The following TMEM229B variants were observed in gnomAD, a reference collection of about 807,000 sequenced individuals.
TMEM229B encodes the protein chromosome 14 open reading frame 83.
TMEM229B carries 6 observed loss-of-function variants against 13.7 expected under a neutral mutation model. The ratio of observed to expected loss-of-function variants is 0.44; its 90% CI spans 0.24 to 0.86. TMEM229B has a LOEUF of 0.86. TMEM229B is among the 40% of genes least tolerant of loss of function. The probability of loss-of-function intolerance (pLI) is 0.23; values close to 1 mark genes in which losing one functional copy is unlikely to be tolerated. For synonymous variants in TMEM229B, 107 were observed against 102.1 expected (o/e 1.05, Z -0.29); for missense variants, 170 against 236.0 (o/e 0.72, Z 1.83).
At chr14:67,479,378 T>C (rs1272681926) in intron 2 of TMEM229B, among the ~76,000 whole-genome samples, 4 of 144,924 alleles carry the variant, frequency 2.8e-5, no homozygotes, top group Non-Finnish European at 5.9e-5. Context: ...ACCACTGCAC[T>C]CCAGCCTGGG....
At chr14:67,500,292 G>A (rs2032551873) in intron 1 of TMEM229B, among the ~76,000 whole-genome samples, 1 of 152,068 alleles carries the variant, frequency 6.6e-6, no homozygotes, top group South Asian at 2.1e-4. Context: ...TGGCCAACAT[G>A]GTGAAACCTT....
intron 1 of TMEM229B, among the ~76,000 whole-genome samples, chr14:67,514,828 G>T (rs1231295597): frequency 6.6e-6 from 1 of 152,090 alleles, no homozygotes; most frequent in East Asian, 1.9e-4. Context: ...ACGCCCCCCT[G>T]TGCGCCCATC....
chr14:67,522,518 C>T (rs1367840525), intron 1 of TMEM229B, among the ~76,000 whole-genome samples: 1 of 152,168 alleles, frequency 6.6e-6, no homozygotes, highest in Non-Finnish European at 1.5e-5. Flanking sequence ...CCTGGGGGGA[C>T]ACTGTGTGCC....
At chr14:67,485,515 T>C (rs1441392082) in intron 2 of TMEM229B, among the ~76,000 whole-genome samples, 2 of 152,164 alleles carry the variant, frequency 1.3e-5, no homozygotes, top group African/African-American at 4.8e-5. Context: ...AAGCTCTGGG[T>C]TCCCATGGAC....
intron 2 of TMEM229B, among the ~76,000 whole-genome samples, chr14:67,485,267 C>A (rs1406652416): frequency 6.6e-6 from 1 of 152,162 alleles, no homozygotes; most frequent in Non-Finnish European, 1.5e-5. Context: ...ATCTCTTTAC[C>A]CCCAACTCCC....
At chr14:67,505,811 A>G (rs1452743329) in intron 1 of TMEM229B, among the ~76,000 whole-genome samples, 2 of 151,810 alleles carry the variant, frequency 1.3e-5, no homozygotes, top group African/African-American at 4.8e-5. Context: ...GGTTCAAGCA[A>G]TTCTCCTGCA....
chr14:67,523,761 G>A (rs992825507), intron 1 of TMEM229B, among the ~76,000 whole-genome samples: 7 of 152,180 alleles, frequency 4.6e-5, no homozygotes, highest in Non-Finnish European at 8.8e-5. Flanking sequence ...TGCCCACAGC[G>A]TAGGTCAAGG....
intron 2 of TMEM229B, among the ~76,000 whole-genome samples, chr14:67,479,329 C>T (rs532145015): frequency 2.0e-5 from 3 of 150,014 alleles, no homozygotes; most frequent in Non-Finnish European, 3.0e-5. Context: ...TTGCTTGAAC[C>T]GGGACCCAGG....
intron 1 of TMEM229B, among the ~76,000 whole-genome samples, chr14:67,531,558 C>T (rs2033450351): frequency 6.6e-6 from 1 of 151,786 alleles, no homozygotes; most frequent in African/African-American, 2.4e-5. Context: ...TAGGGGAGAG[C>T]ATGCTCCTCC....
chr14:67,476,358 G>A (rs538919194), intron 2 of TMEM229B, among the ~76,000 whole-genome samples: 4 of 152,244 alleles, frequency 2.6e-5, no homozygotes, highest in South Asian at 4.2e-4. Flanking sequence ...AGGCTGAGGC[G>A]GGTGGATCAC....
Position 67,496,412 on chromosome 14 carries a change from T to TTTTTTTG in TMEM229B, c.-191-9241_-191-9240insCAAAAAA, listed in dbSNP as rs2032380840. On this transcript the variant is annotated intron_variant, in intron 1 of 2. Coordinates refer to the TMEM229B transcript ENST00000357461. ...CGGCGTTTTTTTTTTTTTTTTTTTT[T>TTTTTTTG]TTTTTTTTTGAGACAGGGTCTGGCT... is the stretch of plus-strand genomic sequence containing the variant. Among the ~76,000 whole-genome samples the TTTTTTTG allele has an allele frequency of 1.5e-5, 2 of 134,572 alleles. 1 individual carries two copies. Among genetic ancestry groups the TTTTTTTG allele is most frequent in the Non-Finnish European group, 3.2e-5 (2 of 63,050 alleles). 88.3% of individuals were successfully genotyped at this position (134,572 alleles called of 152,430 possible). A position where few individuals can be genotyped will look rare whatever the true frequency, so the allele number is the denominator to read the frequency against.
chr14:67,492,968 G>C (rs75942531), upstream of TMEM229B, among the ~76,000 whole-genome samples: 1,753 of 152,262 alleles, frequency 0.012, 48 homozygotes, highest in African/African-American at 0.041. Flanking sequence ...AAGGCCAGGT[G>C]GGGGAAATAA....
chr14:67,520,852 T>C (rs1454212942), intron 1 of TMEM229B, among the ~76,000 whole-genome samples: 1 of 152,258 alleles, frequency 6.6e-6, no homozygotes, highest in Non-Finnish European at 1.5e-5. Context: ...TCCTGGATTG[T>C]GTGGTGAGAG....
chr14:67,490,888 TGG>T (rs1294038103), upstream of TMEM229B, among the ~76,000 whole-genome samples: 1 of 151,948 alleles, frequency 6.6e-6, no homozygotes. Context: ...AGATATGGGG[TGG>T]GCGTGGAGGG....
intron 2 of TMEM229B, among the ~76,000 whole-genome samples, chr14:67,478,527 A>G (rs1566674066): frequency 6.6e-6 from 1 of 152,146 alleles, no homozygotes; most frequent in Non-Finnish European, 1.5e-5. Flanking sequence ...AAAAAACGCA[A>G]CCTTTCTAAA....
chr14:67,533,264 C>T (rs1452618197), intron 1 of TMEM229B: 1 of 152,058 alleles, frequency 6.6e-6, no homozygotes, highest in Non-Finnish European at 1.5e-5. Context: ...CAGCCCACGA[C>T]CCCTGCTGCC....
intron 1 of TMEM229B, among the ~76,000 whole-genome samples, chr14:67,502,076 T>C (rs144993233): frequency 7.3e-4 from 111 of 152,324 alleles, no homozygotes; most frequent in African/African-American, 2.4e-3. Context: ...CTCACACTTG[T>C]AATACCAACA....
chr14:67,515,958 GCTCACGA>G (rs1317087772), upstream of TMEM229B, among the ~76,000 whole-genome samples: 2 of 152,230 alleles, frequency 1.3e-5, no homozygotes, highest in Non-Finnish European at 2.9e-5. Context: ...AACTTCTAAG[GCTCACGA>G]TTTGCTTTAT....
At chr14:67,497,971 T>A (rs12878807) in intron 1 of TMEM229B, among the ~76,000 whole-genome samples, 60,013 of 151,862 alleles carry the variant, frequency 0.4, 13,489 homozygotes, top group South Asian at 0.54. Flanking sequence ...CAGAAACCAA[T>A]ACCTCAAGGT....
Sources: allele counts gnomAD v4.1 joint callset (sites outside exome capture counted in the v4.1 genomes callset), GRCh38; gene constraint gnomAD v4.1.1; transcripts MANE v1.5; gene names NCBI Gene and HGNC (gene_info 2026-07-23, HGNC 2026-07-21).